Variants in GMDS observed in about 807,000 individuals in gnomAD.
GMDS encodes GDP-mannose 4,6 dehydratase.
A neutral mutation model predicts 49.9 loss-of-function variants in GMDS; 20 were observed. The ratio of observed to expected loss-of-function variants is 0.40; its 90% CI spans 0.28 to 0.58. GMDS has a LOEUF of 0.58. Among genes scored for constraint, GMDS ranks in the 20% least tolerant of loss-of-function variants. GMDS has a pLI of 0.42. For synonymous variants in GMDS, 177 were observed against 178.6 expected, an observed-to-expected ratio of 0.99 and a Z score of 0.07; for missense variants, 362 against 481.4, an observed-to-expected ratio of 0.75 and a Z score of 2.32.
intron 7 of GMDS, among the ~76,000 whole-genome samples, chr6:1,901,246 G>A (rs950439571): frequency 6.6e-5 from 10 of 152,134 alleles, no homozygotes; most frequent in Non-Finnish European, 1.2e-4. Flanking sequence ...ATTACGATAC[G>A]TTTCTCTCCA....
chr6:1,960,914 A>G lies in GMDS; in HGVS notation c.398T>C (p.Leu133Pro), dbSNP rs1472946351. 6.2e-7 allele frequency: 1 copy of G among 1,604,082 alleles called. No individual in the cohort carries two copies. The highest frequency in any genetic ancestry group is 8.5e-7 in the Non-Finnish European group (1 of 1,172,152). The change falls in exon 5 of 11, where the codon CTA becomes CCA. Residue 133 changes from leucine (L) to proline (P), a missense_variant. Coordinates refer to ENST00000380815, the MANE Select transcript of GMDS (RefSeq NM_001500.4). ...AGTCTTAACTGCATCTAGAAGTCGTAGAGTGCCAACTCCGTCAACGTCCGC... is the reference window on the plus strand; with the variant it reads ...AGTCTTAACTGCATCTAGAAGTCGTGGAGTGCCAACTCCGTCAACGTCCGC... ...YTADVDGVGT[L>P]RLLDAVKTCG...
At chr6:2,148,138 G>A (rs1034944851) in intron 1 of GMDS, among the ~76,000 whole-genome samples, 1 of 152,048 alleles carries the variant, frequency 6.6e-6, no homozygotes, top group African/African-American at 2.4e-5. Context: ...GACGTTGAGT[G>A]AGCAACAGGG....
chr6:1,840,805 C>T (rs1409528193), intron 7 of GMDS, among the ~76,000 whole-genome samples: 1 of 152,114 alleles, frequency 6.6e-6, no homozygotes, highest in Non-Finnish European at 1.5e-5. Flanking sequence ...GTAGAATAGC[C>T]GTAATGTGTG....
intron 1 of GMDS, among the ~76,000 whole-genome samples, chr6:2,240,288 G>A (rs1199815998): frequency 6.6e-6 from 1 of 152,158 alleles, no homozygotes; most frequent in Non-Finnish European, 1.5e-5. Context: ...TTTCCTAAAA[G>A]TCAAGAAATC....
intron 7 of GMDS, among the ~76,000 whole-genome samples, chr6:1,837,682 C>G (rs1756985702): frequency 1.3e-5 from 2 of 152,218 alleles, no homozygotes; most frequent in Non-Finnish European, 1.5e-5. Context: ...AATGGACTGA[C>G]TGCCATAGGG....
intron 4 of GMDS, among the ~76,000 whole-genome samples, chr6:2,105,621 T>A (rs1581657427): frequency 6.6e-6 from 1 of 152,366 alleles, no homozygotes; most frequent in East Asian, 1.9e-4. Flanking sequence ...ATAATGTGGG[T>A]TGACAGTCTT....
At chr6:1,809,382 C>T (rs908858013) in intron 7 of GMDS, among the ~76,000 whole-genome samples, 2 of 152,300 alleles carry the variant, frequency 1.3e-5, no homozygotes, top group African/African-American at 4.8e-5. Flanking sequence ...AACCCATTAC[C>T]AGTAAGAGTT....
chr6:1,703,968 G>C (rs941598195), intron 9 of GMDS, among the ~76,000 whole-genome samples: 1 of 152,142 alleles, frequency 6.6e-6, no homozygotes, highest in African/African-American at 2.4e-5. Context: ...TTGCAAACCA[G>C]ATTATGTGTT....
rs528612871 is a variant in GMDS at position 1,836,695 on chromosome 6, T to G, written c.771+93408A>C. Among the ~76,000 whole-genome samples, 6 of 152,322 alleles carry G rather than the reference T, an allele frequency of 3.9e-5. No homozygotes were observed. In the South Asian group the frequency reaches 1.2e-3, roughly 32 times the overall value. ...ATTAACATGTGTTTCTTCACTGAATTTCGTATGGTTTCCCCTCTTCTTCTT... is the reference window on the plus strand; with the variant it reads ...ATTAACATGTGTTTCTTCACTGAATGTCGTATGGTTTCCCCTCTTCTTCTT... On this transcript the variant is annotated intron_variant, in intron 7 of 10. Coordinates refer to ENST00000380815, the MANE Select transcript of GMDS (RefSeq NM_001500.4). The surrounding 1 kb of genome is among the most constrained non-coding windows in gnomAD (Gnocchi z 4.2).
chr6:2,053,605 A>C (rs1770595096), intron 4 of GMDS, among the ~76,000 whole-genome samples: 1 of 152,126 alleles, frequency 6.6e-6, no homozygotes, highest in East Asian at 1.9e-4. Context: ...ATTTTGCATC[A>C]TAATAGTTCA....
chr6:1,847,422 T>C (rs527888496), intron 7 of GMDS, among the ~76,000 whole-genome samples: 1 of 152,304 alleles, frequency 6.6e-6, no homozygotes, highest in South Asian at 2.1e-4. Context: ...AAATAGTCAT[T>C]CATGGCAATT....
chr6:2,027,529 G>A (rs1028069889), intron 4 of GMDS, among the ~76,000 whole-genome samples: 1 of 152,152 alleles, frequency 6.6e-6, no homozygotes, highest in African/African-American at 2.4e-5. Flanking sequence ...TTAGGGTTTG[G>A]AATAGGAAGA....
intron 4 of GMDS, among the ~76,000 whole-genome samples, chr6:2,012,515 C>T (rs960999624): frequency 2.0e-5 from 3 of 152,110 alleles, no homozygotes; most frequent in African/African-American, 7.2e-5. Flanking sequence ...ATTGGGTTTA[C>T]CACTAGTCCT....
intron 7 of GMDS, among the ~76,000 whole-genome samples, chr6:1,889,067 T>C (rs1192023595): frequency 1.3e-5 from 2 of 152,140 alleles, no homozygotes; most frequent in Non-Finnish European, 2.9e-5. Context: ...AAAATATATA[T>C]GTATATATTT....
chr6:1,681,842 C>T (rs748701317), intron 9 of GMDS, among the ~76,000 whole-genome samples: 15 of 152,228 alleles, frequency 9.9e-5, no homozygotes, highest in African/African-American at 2.4e-4. Flanking sequence ...ACTATAGGCA[C>T]GCACCACAGT....
intron 1 of GMDS, among the ~76,000 whole-genome samples, chr6:2,238,491 A>T (rs1420258887): frequency 2.0e-5 from 3 of 152,130 alleles, no homozygotes; most frequent in African/African-American, 7.2e-5. Context: ...CATTATCCTC[A>T]TACTTTTACT....
chr6:1,641,520 G>C (rs915536886), intron 9 of GMDS, among the ~76,000 whole-genome samples: 1 of 152,244 alleles, frequency 6.6e-6, no homozygotes, highest in Non-Finnish European at 1.5e-5. Context: ...GGCAGAACCT[G>C]AAGGGCCACT....
chr6:2,025,493 T>C (rs1042518086), intron 4 of GMDS, among the ~76,000 whole-genome samples: 15 of 150,456 alleles, frequency 1.0e-4, no homozygotes, highest in African/African-American at 2.7e-4. Flanking sequence ...CCAATACACA[T>C]GCACACACGC....
At chr6:1,918,833 C>A (rs1316345393) in intron 7 of GMDS, among the ~76,000 whole-genome samples, 1 of 151,970 alleles carries the variant, frequency 6.6e-6, no homozygotes, top group Non-Finnish European at 1.5e-5. Context: ...AGGAAACTGG[C>A]CACTGTGTGA....
Sources: allele counts gnomAD v4.1 joint callset (sites outside exome capture counted in the v4.1 genomes callset), GRCh38; gene constraint gnomAD v4.1.1; non-coding constraint Gnocchi (gnomAD v3.1); transcripts MANE v1.5; gene names NCBI Gene and HGNC (gene_info 2026-07-23, HGNC 2026-07-21).